Variants in DNAH10 observed in about 807,000 individuals in gnomAD.
DNAH10 encodes the protein dynein axonemal heavy chain 10.
DNAH10 carries 348 observed loss-of-function variants against 506.6 expected under a neutral mutation model. That is an observed-to-expected ratio of 0.69 (90% CI 0.63 to 0.75). DNAH10 has a LOEUF of 0.75. DNAH10 is among the 30% of genes least tolerant of loss of function. DNAH10 has a pLI of 0.00. For synonymous variants in DNAH10, 2,059 were observed against 2,198.6 expected (o/e 0.94, Z 1.78); for missense variants, 5,179 against 5,787.1 (o/e 0.89, Z 3.41).
intron 21 of DNAH10, among the ~76,000 whole-genome samples, chr12:123,815,853 C>G (rs1257590117): frequency 6.6e-6 from 1 of 152,180 alleles, no homozygotes; most frequent in East Asian, 1.9e-4. Context: ...TCCTGTCCAG[C>G]ATGTACTGTA....
chr12:123,896,164 G>C (rs1370861597), intron 54 of DNAH10, among the ~76,000 whole-genome samples: 246 of 148,686 alleles, frequency 1.7e-3, no homozygotes, highest in African/African-American at 3.8e-3. Context: ...GAGAGAGAGA[G>C]AGAGAGAGAG....
In DNAH10 at chr12:123,808,906, G is replaced by A. The variant is rs1364601123; in HGVS notation, c.3097G>A (p.Asp1033Asn). ...IILHPNTNEIDKMCFHCVRNC... is the reference protein window; with the variant it reads ...IILHPNTNEINKMCFHCVRNC... ...CCTTCATCCCAACACAAATGAGATC[G>A]ACAAGATGTGCTTCCATTGTGTCCG... Residue 1033 changes from aspartate to asparagine, a missense_variant, in exon 19 of 79, where the codon GAC becomes AAC. Transcript: ENST00000673944. 1.9e-6 allele frequency: 3 copies of A among 1,613,994 alleles called. No individual in the cohort carries two copies. Among genetic ancestry groups the A allele is most frequent in the Middle Eastern group, 1.6e-4 (1 of 6,084 alleles).
chr12:123,815,582 G>C (rs1959116382), intron 21 of DNAH10, among the ~76,000 whole-genome samples: 1 of 152,176 alleles, frequency 6.6e-6, no homozygotes, highest in Non-Finnish European at 1.5e-5. Context: ...TCCGTGTCTT[G>C]TTCTTGATCT....
chr12:123,864,663 A>G lies in DNAH10; in HGVS notation c.6977A>G (p.Asn2326Ser). ...VENMNSVMDD[N>S]RLLTLANGER... ...AACATGAATTCTGTGATGGATGACAACAGGTTGTTGACATTGGCCAACGGG... is the reference window on the plus strand; with the variant it reads ...AACATGAATTCTGTGATGGATGACAGCAGGTTGTTGACATTGGCCAACGGG... The change falls in exon 40 of 79, where the codon AAC (asparagine) becomes AGC (serine). Residue 2326 changes from asparagine to serine, a missense_variant. Transcript: ENST00000673944. 6.2e-7 allele frequency: 1 copy of G among 1,614,042 alleles called. No homozygotes were observed. The highest frequency in any genetic ancestry group is 8.5e-7 in the Non-Finnish European group (1 of 1,179,894).
chr12:123,869,182 G>T (rs777498503), intron 43 of DNAH10, among the ~76,000 whole-genome samples: 6 of 152,022 alleles, frequency 3.9e-5, no homozygotes, highest in Non-Finnish European at 8.8e-5. Context: ...TCTGAGACTC[G>T]GGCCACATGT....
intron 41 of DNAH10, among the ~76,000 whole-genome samples, chr12:123,867,234 A>G (rs1427741551): frequency 6.6e-6 from 1 of 152,144 alleles, no homozygotes; most frequent in East Asian, 1.9e-4. Flanking sequence ...CCCCAAGGGC[A>G]TGGTAGACTC....
intron 47 of DNAH10, 45 bp downstream of exon 47, chr12:123,875,536 T>TG (rs759370211): frequency 1.2e-6 from 2 of 1,607,466 alleles, no homozygotes; most frequent in Non-Finnish European, 1.7e-6. Context: ...GACCTTGTGT[T>TG]GGGGGGAAAC....
chr12:123,840,060 T>G (rs1196102139), intron 29 of DNAH10, among the ~76,000 whole-genome samples: 2 of 151,984 alleles, frequency 1.3e-5, no homozygotes, highest in East Asian at 1.9e-4. Context: ...GATGACTCTT[T>G]GCTGTGGCTG....
At position 123,903,705 on chromosome 12, in the gene DNAH10, C is replaced by T. The variant is rs1953640739; in HGVS notation, c.9815+592C>T. 6.6e-6 allele frequency among the ~76,000 whole-genome samples: 1 copy of T among 152,228 alleles called. No homozygotes were observed. Among genetic ancestry groups the T allele is most frequent in the Non-Finnish European group, 1.5e-5 (1 of 68,042 alleles). On this transcript the variant is annotated intron_variant, in intron 57 of 78. Coordinates refer to ENST00000673944, the MANE Select transcript of DNAH10 (RefSeq NM_001372106.1). This position sits in a 1 kb window ranked among gnomAD's most constrained non-coding sequence, Gnocchi z 4.6. ...CGTGGGCTAACAAGCTTTCTCCTCGCATGGCTTGGCCTCCCCAGGGCACTG... is the reference window on the plus strand; with the variant it reads ...CGTGGGCTAACAAGCTTTCTCCTCGTATGGCTTGGCCTCCCCAGGGCACTG...
intron 10 of DNAH10, among the ~76,000 whole-genome samples, chr12:123,788,449 G>A (rs1312018806): frequency 6.6e-6 from 1 of 152,122 alleles, no homozygotes; most frequent in Non-Finnish European, 1.5e-5. Context: ...TCTCCTAAAG[G>A]TTCACCCACC....
In DNAH10 at chr12:123,827,471, G is replaced by A. The variant is rs147544321; in HGVS notation, c.4391+573G>A. On this transcript the variant is annotated intron_variant, in intron 25 of 78. Coordinates refer to ENST00000673944, the MANE Select transcript of DNAH10 (RefSeq NM_001372106.1). ...CGTTTCAAGTGCTCCATAGACACGC[G>A]TGGCTTGTGGCCACCATACTGATGG... Among the ~76,000 whole-genome samples the A allele has an allele frequency of 5.5e-3, 840 of 152,282 alleles. 5 individuals are homozygous for A. Among genetic ancestry groups the A allele is most frequent in the African/African-American group, 0.018 (765 of 41,540 alleles).
At chr12:123,866,426 G>A (rs1218612750) in intron 41 of DNAH10, among the ~76,000 whole-genome samples, 1 of 151,576 alleles carries the variant, frequency 6.6e-6, no homozygotes, top group Admixed American at 6.6e-5. Context: ...TGTATTTTTA[G>A]TAGAGGCGGG....
chr12:123,833,445 T>A, intron 27 of DNAH10, 98 bp downstream of exon 27: 1 of 928,722 alleles, frequency 1.1e-6, no homozygotes, highest in Non-Finnish European at 1.6e-6. Context: ...TATGAGGATA[T>A]TTTGTGCTTA....
In DNAH10 at chr12:123,809,074, T is replaced by C. The variant is rs557572084; in HGVS notation, c.3144+121T>C. On this transcript the variant is annotated intron_variant, in intron 19 of 78. Transcript: ENST00000673944. ...AGGTGGAATTCTTGACCTTCTGCCT[T>C]GTGACTCAGTCATCCCCCAGTTTTC... 56 of 1,184,024 alleles carry C rather than the reference T, an allele frequency of 4.7e-5. No homozygotes were observed. In the South Asian group the frequency reaches 8.2e-4, roughly 17 times the overall value. 73.3% of individuals were successfully genotyped at this position (1,184,024 alleles called of 1,614,324 possible).
At chr12:123,931,920 A>T in intron 75 of DNAH10, 21 bp from the exon 76 acceptor site, 1 of 1,613,730 alleles carries the variant, frequency 6.2e-7, no homozygotes, top group African/African-American at 1.3e-5. Context: ...GTCCTGCCCG[A>T]TTGCTCTTGA....
At chr12:123,847,496 G>T (rs1196695663) in intron 32 of DNAH10, among the ~76,000 whole-genome samples, 4 of 152,190 alleles carry the variant, frequency 2.6e-5, no homozygotes, top group Admixed American at 6.5e-5. Flanking sequence ...AGCCAATAGT[G>T]TAGACTCGTG....
chr12:123,796,604 G>T, intron 12 of DNAH10, 52 bp from the exon 13 acceptor site: 2 of 1,488,432 alleles, frequency 1.3e-6, no homozygotes, highest in Non-Finnish European at 1.8e-6. Context: ...CATCTTTCTT[G>T]GCTAACCTGG....
Position 123,893,447 on chromosome 12 carries a change from T to C in DNAH10, c.9199+11T>C. ...GCAGAAACTTCCCAGGTACCCGCGG[T>C]GGAGCCTGTGAACCCATTTCCCCTG... On this transcript the variant is annotated intron_variant, in intron 53 of 78. Transcript: ENST00000673944. 2 of 1,611,928 alleles carry C rather than the reference T, an allele frequency of 1.2e-6. No homozygotes were observed. The highest frequency in any genetic ancestry group is 8.5e-7 in the Non-Finnish European group (1 of 1,179,788).
At chr12:123,825,212 C>A (rs183297806) in intron 24 of DNAH10, among the ~76,000 whole-genome samples, 138 of 151,116 alleles carry the variant, frequency 9.1e-4, no homozygotes, top group Non-Finnish European at 1.4e-3. Context: ...ATTGTGGAGG[C>A]CACTGGTGAC....
Sources: allele counts gnomAD v4.1 joint callset (sites outside exome capture counted in the v4.1 genomes callset), GRCh38; gene constraint gnomAD v4.1.1; non-coding constraint Gnocchi (gnomAD v3.1); transcripts MANE v1.5; gene names NCBI Gene and HGNC (gene_info 2026-07-23, HGNC 2026-07-21).